Variants in ACTR2 observed in about 807,000 individuals in gnomAD.
The protein encoded by ACTR2 is actin-related protein 2.
ACTR2 carries 5 observed loss-of-function variants against 50.2 expected under a neutral mutation model. That is an observed-to-expected ratio of 0.10 (90% confidence interval 0.05 to 0.21). The LOEUF (loss-of-function observed/expected upper bound fraction) is 0.21. Among genes scored for constraint, ACTR2 ranks in the 10% least tolerant of loss-of-function variants. ACTR2 has a pLI of 1.00. For synonymous variants in ACTR2, 140 were observed against 162.9 expected (o/e 0.86, Z 1.07); for missense variants, 180 against 480.6 (o/e 0.37, Z 5.85).
chr2:65,259,057 C>T (rs943587614), intron 6 of ACTR2, among the ~76,000 whole-genome samples: 4 of 151,820 alleles, frequency 2.6e-5, no homozygotes, highest in African/African-American at 9.7e-5. Context: ...ACTTCAGTCT[C>T]AATCTCCCAG....
chr2:65,255,205 C>CA (rs1335114831), intron 5 of ACTR2, among the ~76,000 whole-genome samples: 2 of 152,148 alleles, frequency 1.3e-5, no homozygotes, highest in Non-Finnish European at 2.9e-5. Context: ...CTGCAGGCTA[C>CA]AGGAGTCCAG....
At chr2:65,230,257 G>A (rs1311483122) in intron 1 of ACTR2, among the ~76,000 whole-genome samples, 2 of 151,962 alleles carry the variant, frequency 1.3e-5, no homozygotes, top group Admixed American at 1.3e-4. Flanking sequence ...TTTTTGTTTT[G>A]TGATTGTGTC....
chr2:65,267,054 T>C (rs1672385848), intron 8 of ACTR2, among the ~76,000 whole-genome samples: 1 of 152,160 alleles, frequency 6.6e-6, no homozygotes, highest in South Asian at 2.1e-4. Context: ...GTTAAGGTAG[T>C]GTGTGAGAGA....
chr2:65,242,156 G>A (rs1178482001), intron 2 of ACTR2: 2 of 874,762 alleles, frequency 2.3e-6, no homozygotes, highest in African/African-American at 1.7e-5. Flanking sequence ...ATTGGGGAGG[G>A]GGGGTTATTT....
chr2:65,228,886 C>G (rs957800715), intron 1 of ACTR2, among the ~76,000 whole-genome samples: 2 of 152,102 alleles, frequency 1.3e-5, no homozygotes, highest in Non-Finnish European at 2.9e-5. Context: ...CGAGACCAGC[C>G]CAGCCAACGT....
rs539639247 is a variant in ACTR2, at chr2:65,235,140, T to C, written c.49-4712T>C. On this transcript the variant is annotated intron_variant, in intron 1 of 8. Coordinates refer to ENST00000260641, the MANE Select transcript of ACTR2 (RefSeq NM_005722.4). ...CTGGATTTTGACTTAAAAGAGAGTT[T>C]GTGATTTGGGAGAGAAGAGTGTGTG... Among the ~76,000 whole-genome samples, 4 of 152,052 alleles carry C rather than the reference T, an allele frequency of 2.6e-5. No homozygotes were observed. The South Asian group carries it at 6.2e-4, about 24-fold the overall frequency.
chr2:65,261,030 T>C (rs1361382062), intron 6 of ACTR2, among the ~76,000 whole-genome samples: 3 of 152,130 alleles, frequency 2.0e-5, no homozygotes, highest in East Asian at 3.8e-4. Context: ...ACGCCCAGCC[T>C]GGCATAACAT....
In ACTR2 at chr2:65,269,443, GTT is replaced by G. The variant is rs1672447150; in HGVS notation, c.*711_*712del. 6.6e-6 allele frequency: 1 copy of G among 152,112 alleles called. No homozygotes were observed. 9.4% of individuals were successfully genotyped at this position (152,112 alleles called of 1,614,324 possible). A position where few individuals can be genotyped will look rare whatever the true frequency, so the allele number is the denominator to read the frequency against. On this transcript the variant is annotated 3_prime_UTR_variant, in exon 9 of 9. Transcript: ENST00000260641. Reference sequence around the variant, plus strand: ...TTCTACTTGTGCTCTGCCTGGAGCTGTTTCCATATGATATAAAAAGCAAGTGT... The same window carrying G: ...TTCTACTTGTGCTCTGCCTGGAGCTGTCCATATGATATAAAAAGCAAGTGT...
intron 1 of ACTR2, chr2:65,228,351 G>A: frequency 5.2e-6 from 1 of 191,982 alleles, no homozygotes; most frequent in South Asian, 1.8e-4. Flanking sequence ...TTGTAAAAAG[G>A]AGAAAGACCT....
At chr2:65,244,524 A>G (rs563784149) in intron 2 of ACTR2, among the ~76,000 whole-genome samples, 10 of 152,196 alleles carry the variant, frequency 6.6e-5, no homozygotes, top group Non-Finnish European at 1.3e-4. Context: ...TCATCAGTGC[A>G]TCTTGTTTTT....
chr2:65,233,574 G>T (rs187226683), intron 1 of ACTR2, among the ~76,000 whole-genome samples: 1 of 151,624 alleles, frequency 6.6e-6, no homozygotes, highest in Admixed American at 6.6e-5. Flanking sequence ...TAGGCAGTGT[G>T]CCCAGAGTAG....
intron 3 of ACTR2, among the ~76,000 whole-genome samples, chr2:65,248,348 C>T (rs1484338587): frequency 1.3e-5 from 2 of 151,402 alleles, no homozygotes; most frequent in African/African-American, 4.9e-5. Context: ...TGCAGTGAGC[C>T]GAGATTACAC....
At chr2:65,245,706 G>A (rs1325342393) in intron 2 of ACTR2, among the ~76,000 whole-genome samples, 2 of 152,060 alleles carry the variant, frequency 1.3e-5, no homozygotes, top group Non-Finnish European at 2.9e-5. Context: ...CTAAATGCTA[G>A]GACATCCTTA....
In ACTR2 at chr2:65,268,578, C is replaced by T; in HGVS notation, c.1029C>T (p.Arg343=). ...DVEKLSKFKI[R]IEDPPRRKHM... The stretch of plus-strand genomic sequence containing the variant: ...TTCTCCTTTAGAAATTTAAGATCCG[C>T]ATTGAAGACCCACCCCGCAGAAAGC... Residue 343 remains arginine, a synonymous_variant, in exon 9 of 9, where the codon CGC becomes CGT. Transcript: ENST00000260641. 3.1e-6 allele frequency: 5 copies of T among 1,613,050 alleles called. No homozygotes were observed. The highest frequency in any genetic ancestry group is 1.3e-5 in the African/African-American group (1 of 74,928).
intron 1 of ACTR2, among the ~76,000 whole-genome samples, chr2:65,239,192 C>T (rs185964726): frequency 5.9e-4 from 90 of 152,304 alleles, no homozygotes; most frequent in Admixed American, 1.4e-3. Context: ...TGGTGGCTCA[C>T]GCCTGTAATC....
intron 1 of ACTR2, among the ~76,000 whole-genome samples, chr2:65,237,999 A>T (rs1671771567): frequency 6.6e-6 from 1 of 151,462 alleles, no homozygotes. Flanking sequence ...GTCTCAAAAA[A>T]TAATAATGAA....
intron 7 of ACTR2, among the ~76,000 whole-genome samples, chr2:65,263,990 G>A (rs995628641): frequency 1.3e-5 from 2 of 152,156 alleles, no homozygotes; most frequent in Non-Finnish European, 2.9e-5. Context: ...GGGAGGCGGA[G>A]GTTGCAGTGA....
intron 8 of ACTR2, among the ~76,000 whole-genome samples, chr2:65,268,059 G>A (rs576614874): frequency 6.6e-5 from 10 of 151,356 alleles, no homozygotes; most frequent in East Asian, 1.9e-4. Context: ...GGATGGTCTC[G>A]ATCTCCTGAC....
At chr2:65,245,278 G>A (rs1671914933) in intron 2 of ACTR2, among the ~76,000 whole-genome samples, 1 of 151,716 alleles carries the variant, frequency 6.6e-6, no homozygotes, top group Non-Finnish European at 1.5e-5. Context: ...CCAACACTTT[G>A]GGAGGCCGAG....
Sources: gnomAD v4.1 joint callset for allele counts (sites outside exome capture counted in the v4.1 genomes callset) on GRCh38, gnomAD v4.1.1 for gene constraint, MANE v1.5 for transcripts, NCBI Gene and HGNC (gene_info 2026-07-23, HGNC 2026-07-21) for gene names.